THSD7A: variants seen among roughly 807,000 people sequenced by gnomAD.
The protein encoded by THSD7A is thrombospondin type 1 domain containing 7A.
In THSD7A, 96 loss-of-function variants were observed where a neutral mutation model predicts 231.3. That is an observed-to-expected ratio of 0.41 (90% CI 0.35 to 0.49). The LOEUF (loss-of-function observed/expected upper bound fraction) is 0.49. Among genes scored for constraint, THSD7A ranks in the 20% least tolerant of loss-of-function variants. THSD7A has a pLI of 0.05. For synonymous variants in THSD7A, 940 were observed against 743.3 expected, an observed-to-expected ratio of 1.26 and a Z score of -4.30; for missense variants, 2,290 against 2,070.2, an observed-to-expected ratio of 1.11 and a Z score of -2.06.
intron 6 of THSD7A, among the ~76,000 whole-genome samples, chr7:11,540,142 A>G (rs1789082920): frequency 6.6e-6 from 1 of 152,212 alleles, no homozygotes; most frequent in Non-Finnish European, 1.5e-5. Flanking sequence ...AACAGAGGAC[A>G]TATCACAGCA....
intron 23 of THSD7A, among the ~76,000 whole-genome samples, chr7:11,401,208 T>A (rs1783390548): frequency 6.6e-6 from 1 of 152,184 alleles, no homozygotes; most frequent in East Asian, 1.9e-4. Flanking sequence ...GACTCCTACC[T>A]GATCATAATT....
chr7:11,811,567 G>A (rs1583309986), intron 1 of THSD7A, among the ~76,000 whole-genome samples: 1 of 152,132 alleles, frequency 6.6e-6, no homozygotes, highest in Non-Finnish European at 1.5e-5. Flanking sequence ...CCTAAGATAT[G>A]TAGTATCTTC....
chr7:11,423,319 G>C (rs1227615148), intron 16 of THSD7A, among the ~76,000 whole-genome samples: 1 of 151,112 alleles, frequency 6.6e-6, no homozygotes, highest in African/African-American at 2.4e-5. Flanking sequence ...ATGAAAGGTT[G>C]GGTTATGGGT....
intron 4 of THSD7A, among the ~76,000 whole-genome samples, chr7:11,584,505 G>T (rs183137369): frequency 6.6e-6 from 1 of 151,680 alleles, no homozygotes; most frequent in African/African-American, 2.4e-5. Context: ...CTGTTTTTTC[G>T]TGTAAGCTAG....
intron 3 of THSD7A, among the ~76,000 whole-genome samples, chr7:11,592,483 AATG>A (rs1307834594): frequency 3.9e-5 from 6 of 152,232 alleles, no homozygotes; most frequent in Non-Finnish European, 7.3e-5. Context: ...AATAATTCAC[AATG>A]ATAACTTGGA....
chr7:11,611,144 T>C (rs148369127), intron 2 of THSD7A, among the ~76,000 whole-genome samples: 1 of 147,142 alleles, frequency 6.8e-6, no homozygotes, highest in East Asian at 1.9e-4. Flanking sequence ...AATCTGGAAA[T>C]TTTTTTTAAG....
intron 1 of THSD7A, among the ~76,000 whole-genome samples, chr7:11,689,074 T>A (rs1378896185): frequency 2.0e-5 from 3 of 151,880 alleles, no homozygotes; most frequent in Non-Finnish European, 2.9e-5. Context: ...AGAATTTCTG[T>A]ACAATATAGA....
intron 23 of THSD7A, among the ~76,000 whole-genome samples, chr7:11,398,594 T>TA (rs905672452): frequency 1.3e-4 from 20 of 151,384 alleles, no homozygotes; most frequent in South Asian, 4.2e-4. Flanking sequence ...TATGTTCTTA[T>TA]AAAAAAAAAG....
intron 13 of THSD7A, among the ~76,000 whole-genome samples, chr7:11,439,481 T>A (rs1784735719): frequency 6.6e-6 from 1 of 152,054 alleles, no homozygotes. Context: ...TAATCAGTGA[T>A]CTTTGCTGTT....
chr7:11,604,078 G>A (rs191353323), intron 2 of THSD7A, among the ~76,000 whole-genome samples: 1 of 151,854 alleles, frequency 6.6e-6, no homozygotes, highest in Non-Finnish European at 1.5e-5. Flanking sequence ...GATAACATTA[G>A]TATTTACAAT....
chr7:11,726,248 T>C (rs1416298317), intron 1 of THSD7A, among the ~76,000 whole-genome samples: 1 of 151,788 alleles, frequency 6.6e-6, no homozygotes, highest in Non-Finnish European at 1.5e-5. Flanking sequence ...CTGAATAAAA[T>C]ATTTTACTTT....
intron 6 of THSD7A, among the ~76,000 whole-genome samples, chr7:11,535,216 G>T (rs1199195215): frequency 6.6e-6 from 1 of 152,030 alleles, no homozygotes; most frequent in Non-Finnish European, 1.5e-5. Context: ...CCTACTCTTT[G>T]CTACAACATT....
chr7:11,566,031 C>G (rs1016124818), intron 4 of THSD7A, among the ~76,000 whole-genome samples: 1 of 144,306 alleles, frequency 6.9e-6, no homozygotes, highest in African/African-American at 2.6e-5. Context: ...CACATGATAT[C>G]TATGACAAGG....
At chr7:11,646,729 C>G (rs1782296443) in intron 1 of THSD7A, among the ~76,000 whole-genome samples, 1 of 152,050 alleles carries the variant, frequency 6.6e-6, no homozygotes, top group Admixed American at 6.6e-5. Flanking sequence ...ACAATTTTCA[C>G]TCTATCTCAG....
intron 1 of THSD7A, among the ~76,000 whole-genome samples, chr7:11,788,059 TTG>T (rs964715890): frequency 9.2e-5 from 14 of 151,986 alleles, no homozygotes; most frequent in African/African-American, 2.2e-4. Flanking sequence ...TTGGTCTTTT[TTG>T]TGTGTTTTCC....
chr7:11,408,315 C>T (rs373884585), intron 19 of THSD7A, among the ~76,000 whole-genome samples: 25 of 151,964 alleles, frequency 1.6e-4, no homozygotes, highest in Admixed American at 1.3e-3. Flanking sequence ...GCCAACATTG[C>T]GAAACCTCAC....
intron 10 of THSD7A, 116 bp from the exon 11 acceptor site, chr7:11,460,881 G>T: frequency 2.8e-6 from 2 of 713,380 alleles, no homozygotes; most frequent in Non-Finnish European, 4.7e-6. Context: ...ATTTAGCAAT[G>T]CTCAGTTCTA....
chr7:11,532,568 G>A (rs912003582), intron 6 of THSD7A, among the ~76,000 whole-genome samples: 1 of 152,104 alleles, frequency 6.6e-6, no homozygotes, highest in Non-Finnish European at 1.5e-5. Flanking sequence ...ATCTAGATCG[G>A]CAAAAGTAGG....
chr7:11,747,339 C>A (rs1782343952), intron 1 of THSD7A, among the ~76,000 whole-genome samples: 1 of 151,820 alleles, frequency 6.6e-6, no homozygotes, highest in Non-Finnish European at 1.5e-5. Flanking sequence ...TTCTCTAAGC[C>A]TAGGTGAGTT....
Sources: allele counts gnomAD v4.1 joint callset (sites outside exome capture counted in the v4.1 genomes callset), GRCh38; gene constraint gnomAD v4.1.1; transcripts MANE v1.5; gene names NCBI Gene and HGNC (gene_info 2026-07-23, HGNC 2026-07-21).